The following TENM3 variants were observed in gnomAD, a reference collection of about 807,000 sequenced individuals.
TENM3 encodes the protein teneurin transmembrane protein 3.
In TENM3, 63 loss-of-function variants were observed where a neutral mutation model predicts 255.1. The ratio of observed to expected loss-of-function variants is 0.25; its 90% confidence interval spans 0.20 to 0.30. The LOEUF is 0.30. Among genes scored for constraint, TENM3 ranks in the 10% least tolerant of loss-of-function variants. The pLI is 1.00. For missense variants in TENM3, 2,929 were observed against 3,461.1 expected (o/e 0.85, Z 3.86); for synonymous variants, 1,306 against 1,322.3 (o/e 0.99, Z 0.27).
At chr4:181,794,838 A>C in the TENM3 span, among the ~76,000 whole-genome samples, 1 of 152,248 alleles carries the variant, frequency 6.6e-6, no homozygotes, top group South Asian at 2.1e-4. Flanking sequence ...AACCTTAAAT[A>C]ATCTCCAGTA....
intron 12 of TENM3, among the ~76,000 whole-genome samples, chr4:182,709,718 T>A (rs1015519784): frequency 1.3e-5 from 2 of 152,310 alleles, no homozygotes; most frequent in East Asian, 3.9e-4. Flanking sequence ...AAAATATTTC[T>A]TGTTGTTCTT....
At chr4:182,100,762 CAT>C in the TENM3 span, among the ~76,000 whole-genome samples, 58 of 70,950 alleles carry the variant, frequency 8.2e-4, 8 homozygotes, top group African/African-American at 1.9e-3. Context: ...TATATATACA[CAT>C]ATATATACAC....
intron 1 of TENM3, among the ~76,000 whole-genome samples, chr4:182,221,931 TA>T (rs1361719608): frequency 6.6e-6 from 1 of 152,010 alleles, no homozygotes; most frequent in African/African-American, 2.4e-5. Context: ...GTGGAGAGTT[TA>T]AAAAAAAGCA....
intron 3 of TENM3, among the ~76,000 whole-genome samples, chr4:182,594,683 GGTGTGTGTGTGTGT>G (rs67667219): frequency 0.15 from 20,446 of 138,118 alleles, 1,564 homozygotes; most frequent in Middle Eastern, 0.16. Flanking sequence ...TTTTTGTTTT[GGTGTGTGTGTGTGT>G]GTGTGTGTGT....
the TENM3 span, among the ~76,000 whole-genome samples, chr4:181,589,906 G>T: frequency 6.6e-6 from 1 of 152,142 alleles, no homozygotes; most frequent in African/African-American, 2.4e-5. Context: ...ACATGGAAAT[G>T]TTATCTCCTG....
rs987637533 is a variant in TENM3, at chr4:182,565,614, T to C, written c.512-35310T>C. Among the ~76,000 whole-genome samples the C allele has an allele frequency of 2.6e-5, 4 of 152,214 alleles. No homozygotes were observed. The East Asian group carries it at 7.7e-4, about 29-fold the overall frequency. On this transcript the variant is annotated intron_variant, in intron 3 of 27. Transcript: ENST00000511685. ...CATTTACCAGTATGTTTTCAAACTT[T>C]CTATCTTAAATCACAGTACTATAAA...
chr4:181,901,446 G>A, the TENM3 span, among the ~76,000 whole-genome samples: 2,541 of 152,254 alleles, frequency 0.017, 79 homozygotes, highest in African/African-American at 0.058. Flanking sequence ...TCTCCCAAAC[G>A]AAAGGAAAAG....
At chr4:181,685,938 TGTTA>T in the TENM3 span, among the ~76,000 whole-genome samples, 1 of 152,148 alleles carries the variant, frequency 6.6e-6, no homozygotes, top group Non-Finnish European at 1.5e-5. Context: ...GTTCTCAGGG[TGTTA>T]GTATTACTTG....
At chr4:182,418,035 G>C (rs527660616) in intron 3 of TENM3, among the ~76,000 whole-genome samples, 88 of 152,198 alleles carry the variant, frequency 5.8e-4, no homozygotes, top group African/African-American at 2.0e-3. Flanking sequence ...TACTAAAACT[G>C]AATCATGGTA....
chr4:182,061,076 T>G, the TENM3 span, among the ~76,000 whole-genome samples: 1 of 152,310 alleles, frequency 6.6e-6, no homozygotes, highest in Admixed American at 6.5e-5. Context: ...GTCATTTCTA[T>G]GACATGCCTT....
rs576291934 is a variant in TENM3, at chr4:182,209,959, T to C, written c.-76+65205T>C. The stretch of plus-strand genomic sequence containing the variant: ...ACTCCTCTACACCCAGGCTGTGTCA[T>C]AGAGTGTGAGGTGTCTCCGCAGCTG... On this transcript the variant is annotated intron_variant, in intron 1 of 2. Transcript: ENST00000512480. 3.3e-5 allele frequency among the ~76,000 whole-genome samples: 5 copies of C among 152,220 alleles called. No homozygotes were observed. In the South Asian group the frequency reaches 6.2e-4, roughly 19 times the overall value.
the TENM3 span, among the ~76,000 whole-genome samples, chr4:181,528,322 T>C: frequency 6.6e-6 from 1 of 152,184 alleles, no homozygotes; most frequent in African/African-American, 2.4e-5. Context: ...ATTTTGATCC[T>C]AAAGAAAGAA....
intron 13 of TENM3, among the ~76,000 whole-genome samples, chr4:182,726,970 A>G (rs6552602): frequency 0.9 from 136,843 of 152,222 alleles, 62,075 homozygotes; most frequent in East Asian, 1. Context: ...TTTTAATTGT[A>G]TAAATAAAAC....
the TENM3 span, among the ~76,000 whole-genome samples, chr4:181,787,145 C>G: frequency 6.6e-6 from 1 of 152,310 alleles, no homozygotes; most frequent in African/African-American, 2.4e-5. Flanking sequence ...GGAGGCCGGA[C>G]ACGCCTTGTT....
intron 1 of TENM3, among the ~76,000 whole-genome samples, chr4:182,232,369 G>C (rs1423500776): frequency 6.6e-6 from 1 of 152,166 alleles, no homozygotes; most frequent in Non-Finnish European, 1.5e-5. Flanking sequence ...GGGAACTTTA[G>C]CAAAATGTCT....
chr4:181,505,104 A>G, the TENM3 span, among the ~76,000 whole-genome samples: 1 of 152,162 alleles, frequency 6.6e-6, no homozygotes, highest in South Asian at 2.1e-4. Flanking sequence ...AATGACCTCG[A>G]GACACCAATT....
intron 3 of TENM3, among the ~76,000 whole-genome samples, chr4:182,595,168 C>CA (rs1437829499): frequency 6.6e-6 from 1 of 152,098 alleles, no homozygotes; most frequent in Non-Finnish European, 1.5e-5. Flanking sequence ...TATTCATTGT[C>CA]ATGTGTCTCA....
the TENM3 span, among the ~76,000 whole-genome samples, chr4:181,553,125 T>C: frequency 1.3e-5 from 2 of 152,176 alleles, no homozygotes; most frequent in Non-Finnish European, 2.9e-5. Context: ...TTCATCCTTG[T>C]AGAGAATTAT....
the TENM3 span, among the ~76,000 whole-genome samples, chr4:181,882,748 T>G: frequency 6.6e-6 from 1 of 152,200 alleles, no homozygotes; most frequent in East Asian, 1.9e-4. Context: ...CAGTAATAAT[T>G]CCGCAGTCCA....
Sources: allele counts gnomAD v4.1 joint callset (sites outside exome capture counted in the v4.1 genomes callset), GRCh38; gene constraint gnomAD v4.1.1; transcripts MANE v1.5; gene names NCBI Gene and HGNC (gene_info 2026-07-23, HGNC 2026-07-21).